Variants in LRRIQ3 observed in about 807,000 individuals in gnomAD.
The protein encoded by LRRIQ3 is leucine-rich repeat and IQ domain-containing protein 3.
In LRRIQ3, 75 loss-of-function variants were observed where a neutral mutation model predicts 59.3. The observed-to-expected ratio is 1.26, with a 90% CI of 1.05 to 1.53. The LOEUF (loss-of-function observed/expected upper bound fraction) is 1.53, where lower values mean the gene tolerates loss of function less well. Among genes scored for constraint, LRRIQ3 ranks in the 40% most tolerant of loss-of-function variants. The pLI, the probability that LRRIQ3 is intolerant of heterozygous loss-of-function variation, is 0.00. For synonymous variants in LRRIQ3, 250 were observed against 231.3 expected, an observed-to-expected ratio of 1.08 and a Z score of -0.73; for missense variants, 831 against 710.0, an observed-to-expected ratio of 1.17 and a Z score of -1.94.
chr1:74,118,453 C>T (rs527920025), intron 4 of LRRIQ3, among the ~76,000 whole-genome samples: 12 of 151,906 alleles, frequency 7.9e-5, no homozygotes, highest in Non-Finnish European at 1.3e-4. Flanking sequence ...TCTTTGTATC[C>T]AGTTTTCAAC....
At chr1:74,189,430 T>G (rs566372802) in intron 1 of LRRIQ3, among the ~76,000 whole-genome samples, 1 of 152,152 alleles carries the variant, frequency 6.6e-6, no homozygotes, top group Non-Finnish European at 1.5e-5. Context: ...AAGTAAATTA[T>G]GTATGCTGTG....
At chr1:74,071,164 A>G (rs1655018603) in intron 6 of LRRIQ3, among the ~76,000 whole-genome samples, 3 of 151,818 alleles carry the variant, frequency 2.0e-5, no homozygotes, top group Admixed American at 1.3e-4. Flanking sequence ...CTATCTATGT[A>G]GTTATATATA....
chr1:74,097,385 C>T (rs1646463895), intron 5 of LRRIQ3, among the ~76,000 whole-genome samples: 2 of 152,066 alleles, frequency 1.3e-5, no homozygotes, highest in African/African-American at 4.8e-5. Flanking sequence ...AACAAAGCCT[C>T]CAAGAAATAT....
intron 5 of LRRIQ3, among the ~76,000 whole-genome samples, chr1:74,079,099 T>A (rs931954532): frequency 6.6e-6 from 1 of 151,826 alleles, no homozygotes; most frequent in Non-Finnish European, 1.5e-5. Flanking sequence ...GGACTCTGCC[T>A]TCACCATGGC....
chr1:74,174,212 TTTTTC>T (rs915358318), intron 3 of LRRIQ3, among the ~76,000 whole-genome samples: 20 of 152,124 alleles, frequency 1.3e-4, no homozygotes, highest in Non-Finnish European at 1.2e-4. Context: ...TCACACTTTT[TTTTTC>T]TTTTCTTTTC....
At chr1:74,056,800 C>T (rs1368833694) in intron 6 of LRRIQ3, among the ~76,000 whole-genome samples, 1 of 152,074 alleles carries the variant, frequency 6.6e-6, no homozygotes, top group Non-Finnish European at 1.5e-5. Flanking sequence ...CGATATGTGT[C>T]CCCAACCAAG....
At chr1:74,091,696 C>T (rs532532305) in intron 5 of LRRIQ3, among the ~76,000 whole-genome samples, 13 of 152,164 alleles carry the variant, frequency 8.5e-5, no homozygotes, top group African/African-American at 2.9e-4. Flanking sequence ...GACATCAGTG[C>T]AACCTAGCTT....
intron 5 of LRRIQ3, among the ~76,000 whole-genome samples, chr1:74,076,551 A>G (rs1012016425): frequency 4.6e-5 from 7 of 152,152 alleles, no homozygotes; most frequent in Admixed American, 4.6e-4. Flanking sequence ...ATTTTGAAAT[A>G]GAGAATTCAT....
intron 7 of LRRIQ3, among the ~76,000 whole-genome samples, chr1:74,028,132 C>A (rs1653575847): frequency 6.6e-6 from 1 of 152,004 alleles, no homozygotes; most frequent in Admixed American, 6.6e-5. Context: ...GAACTGGCAT[C>A]AATCTAATTG....
Position 74,120,178 on chromosome 1 carries a change from C to T in LRRIQ3, c.708-10625G>A, listed in dbSNP as rs376326216. Among the ~76,000 whole-genome samples the T allele has an allele frequency of 5.9e-4, 89 of 150,656 alleles. No homozygotes were observed. The South Asian group carries it at 0.01, about 18-fold the overall frequency. On this transcript the variant is annotated intron_variant, in intron 4 of 7. Transcript: ENST00000354431. ...GTGTCGCCAAGCTGGAGTACAGTGG[C>T]GTGATCTCGGCTCACTGCAACCTCC...
intron 4 of LRRIQ3, chr1:74,144,289 C>T (rs924640834): frequency 1.1e-5 from 2 of 182,518 alleles, no homozygotes; most frequent in African/African-American, 4.8e-5. Flanking sequence ...CCCAGGATAT[C>T]CACATATCAA....
chr1:74,183,553 T>C lies in LRRIQ3; in HGVS notation c.132A>G (p.Glu44=), dbSNP rs1237164966. ...TAAGAGAGATGCAAGACTGCAAATT[T>C]TCCATAGACTTTAAATGAAGGCCAT... ...KFNGLHLKSM[E]NLQSCISLRV... Residue 44 remains glutamate (E), a synonymous_variant, in exon 2 of 8, where the codon GAA becomes GAG. Coordinates refer to ENST00000354431, the MANE Select transcript of LRRIQ3 (RefSeq NM_001105659.2). 6 of 1,612,232 alleles carry C rather than the reference T, an allele frequency of 3.7e-6. No homozygotes were observed. Among genetic ancestry groups the C allele is most frequent in the Non-Finnish European group, 5.1e-6 (6 of 1,178,898 alleles).
At chr1:74,042,942 T>C (rs6424571) in intron 6 of LRRIQ3, among the ~76,000 whole-genome samples, 148,973 of 152,094 alleles carry the variant, frequency 0.98, 73,039 homozygotes, top group Middle Eastern at 1. Flanking sequence ...AGATAGAAGC[T>C]GCCTGCCTGC....
At chr1:74,188,573 C>T (rs1270884871) in intron 1 of LRRIQ3, among the ~76,000 whole-genome samples, 2 of 152,180 alleles carry the variant, frequency 1.3e-5, no homozygotes, top group Non-Finnish European at 2.9e-5. Context: ...TCTATCCACA[C>T]ATCCCCAATT....
intron 6 of LRRIQ3, among the ~76,000 whole-genome samples, chr1:74,055,355 T>A (rs1314226548): frequency 6.6e-6 from 1 of 152,012 alleles, no homozygotes; most frequent in Non-Finnish European, 1.5e-5. Context: ...TCATTTCTTG[T>A]TCCCCCCTCT....
chr1:74,059,695 A>G (rs1331522530), intron 6 of LRRIQ3, among the ~76,000 whole-genome samples: 2 of 152,072 alleles, frequency 1.3e-5, no homozygotes, highest in African/African-American at 4.8e-5. Context: ...CCTACATTCT[A>G]TGTGGACTTT....
chr1:74,184,416 G>A (rs1260649441), intron 1 of LRRIQ3, among the ~76,000 whole-genome samples: 1 of 152,114 alleles, frequency 6.6e-6, no homozygotes, highest in East Asian at 1.9e-4. Context: ...AGTGATAGGT[G>A]AGAAGAGAAT....
intron 7 of LRRIQ3, among the ~76,000 whole-genome samples, chr1:74,039,415 T>C (rs981904379): frequency 1.3e-5 from 2 of 152,072 alleles, no homozygotes; most frequent in Non-Finnish European, 2.9e-5. Flanking sequence ...CAGGATACTA[T>C]CTAGAAGAAC....
intron 7 of LRRIQ3, among the ~76,000 whole-genome samples, chr1:74,031,249 A>G (rs1313061207): frequency 2.0e-5 from 3 of 152,192 alleles, no homozygotes; most frequent in Admixed American, 2.0e-4. Flanking sequence ...TGACCCAGCC[A>G]TCCCATTACT....
Sources: allele counts gnomAD v4.1 joint callset (sites outside exome capture counted in the v4.1 genomes callset), GRCh38; gene constraint gnomAD v4.1.1; transcripts MANE v1.5; gene names NCBI Gene and HGNC (gene_info 2026-07-23, HGNC 2026-07-21).